CACNA2D3: variants seen among roughly 807,000 people sequenced by gnomAD.
CACNA2D3 encodes voltage-dependent calcium channel subunit alpha-2/delta-3.
Under a neutral mutation model 160.6 loss-of-function variants are expected in CACNA2D3, and 60 were observed. The observed-to-expected ratio is 0.37, with a 90% confidence interval of 0.30 to 0.46. The LOEUF is 0.46. Among genes scored for constraint, CACNA2D3 ranks in the 20% least tolerant of loss-of-function variants. The pLI is 1.00. For missense variants in CACNA2D3, 1,205 were observed against 1,365.0 expected (o/e 0.88, Z 1.85); for synonymous variants, 558 against 492.9 (o/e 1.13, Z -1.75).
chr3:54,649,288 T>C (rs565166480), intron 11 of CACNA2D3, among the ~76,000 whole-genome samples: 2 of 152,296 alleles, frequency 1.3e-5, no homozygotes, highest in Admixed American at 6.5e-5. Context: ...GTAGGGTCTT[T>C]ATAAATGCTA....
chr3:54,702,451 T>C (rs986691421), intron 11 of CACNA2D3, among the ~76,000 whole-genome samples: 1 of 152,116 alleles, frequency 6.6e-6, no homozygotes, highest in African/African-American at 2.4e-5. Flanking sequence ...GAACAGACAC[T>C]TCTCAAAAAA....
In CACNA2D3 at chr3:55,021,713, GTGTATATA is replaced by G. The variant is rs1215873354; in HGVS notation, c.2987+3398_2987+3405del. ...TATATGTGTGTATATATATATGTGT[GTGTATATA>G]TATATATATAGCCTTCATTCTTATT... is the stretch of plus-strand genomic sequence containing the variant. On this transcript the variant is annotated intron_variant, in intron 35 of 37. Transcript: ENST00000474759. 2.2e-5 allele frequency among the ~76,000 whole-genome samples: 3 copies of G among 137,158 alleles called. No individual in the cohort carries two copies. The East Asian group carries it at 5.9e-4, about 27-fold the overall frequency. 90.0% of individuals were successfully genotyped at this position (137,158 alleles called of 152,430 possible).
At chr3:54,159,804 TG>T (rs1191756107) in intron 2 of CACNA2D3, among the ~76,000 whole-genome samples, 4 of 152,298 alleles carry the variant, frequency 2.6e-5, no homozygotes, top group Admixed American at 1.3e-4. Flanking sequence ...TTCAAGCTTT[TG>T]CAATTTGGGG....
chr3:54,828,253 G>A (rs1368519770), intron 14 of CACNA2D3, among the ~76,000 whole-genome samples: 1 of 152,076 alleles, frequency 6.6e-6, no homozygotes, highest in East Asian at 1.9e-4. Context: ...GCCACCATGG[G>A]GGGTCAATTA....
At chr3:54,462,005 T>C (rs1403969146) in intron 4 of CACNA2D3, among the ~76,000 whole-genome samples, 1 of 152,212 alleles carries the variant, frequency 6.6e-6, no homozygotes, top group Non-Finnish European at 1.5e-5. Flanking sequence ...TCAAAGAACA[T>C]CTTTATTTCT....
intron 34 of CACNA2D3, among the ~76,000 whole-genome samples, chr3:55,009,685 A>G (rs1378916142): frequency 1.3e-5 from 2 of 152,196 alleles, no homozygotes; most frequent in Non-Finnish European, 2.9e-5. Context: ...TCCTTAACTA[A>G]GGCTTTGAGG....
intron 27 of CACNA2D3, among the ~76,000 whole-genome samples, chr3:54,913,583 C>T (rs1441101651): frequency 6.6e-6 from 1 of 152,154 alleles, no homozygotes; most frequent in African/African-American, 2.4e-5. Flanking sequence ...CCCCATTTTG[C>T]CTTGGCTCCT....
At chr3:54,500,467 G>A (rs907194648) in intron 4 of CACNA2D3, among the ~76,000 whole-genome samples, 6 of 120,462 alleles carry the variant, frequency 5.0e-5, no homozygotes, top group Admixed American at 2.5e-4. Context: ...CCCCAGGTCC[G>A]TCCATCTTCC....
chr3:54,868,180 G>A (rs1007062119), intron 17 of CACNA2D3, among the ~76,000 whole-genome samples: 9 of 152,150 alleles, frequency 5.9e-5, no homozygotes, highest in Admixed American at 6.5e-5. Context: ...ACAGCCCACT[G>A]ACTTTTCCTT....
chr3:54,143,318 A>T (rs191040428), intron 2 of CACNA2D3, among the ~76,000 whole-genome samples: 99 of 152,334 alleles, frequency 6.5e-4, no homozygotes, highest in Admixed American at 1.6e-3. Flanking sequence ...CCTTGTGTTC[A>T]TGTATAAATG....
At chr3:54,932,261 C>A (rs1575386857) in intron 27 of CACNA2D3, among the ~76,000 whole-genome samples, 1 of 151,756 alleles carries the variant, frequency 6.6e-6, no homozygotes, top group Non-Finnish European at 1.5e-5. Flanking sequence ...AAGTGGGAGG[C>A]AAAATAAAGC....
chr3:54,922,588 T>C (rs1007369526), intron 27 of CACNA2D3, among the ~76,000 whole-genome samples: 8 of 152,162 alleles, frequency 5.3e-5, no homozygotes, highest in African/African-American at 1.9e-4. Context: ...ATCGTACGTT[T>C]TAACCCATGT....
chr3:54,755,264 G>A (rs1701949554), intron 12 of CACNA2D3, among the ~76,000 whole-genome samples: 1 of 152,112 alleles, frequency 6.6e-6, no homozygotes, highest in Non-Finnish European at 1.5e-5. Flanking sequence ...CTGAATTGGG[G>A]GTGGGCAGAG....
At chr3:55,004,684 C>A in intron 31 of CACNA2D3, 79 bp from the exon 32 acceptor site, 2 of 905,170 alleles carry the variant, frequency 2.2e-6, no homozygotes, top group Non-Finnish European at 3.6e-6. Context: ...ATAGTGACTG[C>A]TCACCTTGTA....
At chr3:54,556,154 G>T (rs1420484488) in intron 5 of CACNA2D3, among the ~76,000 whole-genome samples, 1 of 152,128 alleles carries the variant, frequency 6.6e-6, no homozygotes, top group African/African-American at 2.4e-5. Context: ...GTATGTTCAC[G>T]TTCTGATCTC....
At chr3:54,883,976 A>G (rs1699868606) in intron 21 of CACNA2D3, among the ~76,000 whole-genome samples, 2 of 152,296 alleles carry the variant, frequency 1.3e-5, no homozygotes, top group Admixed American at 6.5e-5. Context: ...GAAATTAAAT[A>G]CAATGAAGGC....
intron 11 of CACNA2D3, among the ~76,000 whole-genome samples, chr3:54,702,884 A>G (rs1222380827): frequency 6.6e-6 from 1 of 152,202 alleles, no homozygotes; most frequent in African/African-American, 2.4e-5. Flanking sequence ...CACATCATGG[A>G]ATACTACATA....
At chr3:54,693,128 A>G (rs1163156262) in intron 11 of CACNA2D3, among the ~76,000 whole-genome samples, 5 of 152,238 alleles carry the variant, frequency 3.3e-5, no homozygotes, top group Non-Finnish European at 5.9e-5. Flanking sequence ...TATGTTAAGA[A>G]AACCAAAACA....
At chr3:54,483,934 G>T (rs1218445126) in intron 4 of CACNA2D3, among the ~76,000 whole-genome samples, 6 of 152,164 alleles carry the variant, frequency 3.9e-5, no homozygotes, top group African/African-American at 1.4e-4. Flanking sequence ...TGAAGTTCTG[G>T]AAAGTTGCCC....
Sources: allele counts gnomAD v4.1 joint callset (sites outside exome capture counted in the v4.1 genomes callset), GRCh38; gene constraint gnomAD v4.1.1; transcripts MANE v1.5; gene names NCBI Gene and HGNC (gene_info 2026-07-23, HGNC 2026-07-21).